ABCA13: variants seen among roughly 807,000 people sequenced by gnomAD.
ABCA13 encodes ATP binding cassette subfamily A member 13.
Under a neutral mutation model 478.7 loss-of-function variants are expected in ABCA13, and 476 were observed. The observed-to-expected ratio is 0.99, with a 90% confidence interval of 0.92 to 1.07. The LOEUF (loss-of-function observed/expected upper bound fraction) is 1.07, where lower values mean the gene tolerates loss of function less well. Among genes scored for constraint, ABCA13 ranks in the 50% least tolerant of loss-of-function variants. The probability of loss-of-function intolerance (pLI) is 0.00; values close to 1 mark genes in which losing one functional copy is unlikely to be tolerated. For missense variants in ABCA13, 6,060 were observed against 5,910.6 expected (o/e 1.03, Z -0.83); for synonymous variants, 2,252 against 2,158.9 (o/e 1.04, Z -1.20).
intron 5 of ABCA13, among the ~76,000 whole-genome samples, chr7:48,224,361 C>T (rs973037246): frequency 6.6e-6 from 1 of 152,172 alleles, no homozygotes; most frequent in African/African-American, 2.4e-5. Flanking sequence ...CAGTCCTGGG[C>T]AACTGGGGAA....
At chr7:48,596,580 G>A (rs1174344949) in intron 58 of ABCA13, among the ~76,000 whole-genome samples, 1 of 152,146 alleles carries the variant, frequency 6.6e-6, no homozygotes, top group African/African-American at 2.4e-5. Flanking sequence ...GGAGGCCAAG[G>A]CGGGCGGATC....
intron 39 of ABCA13, among the ~76,000 whole-genome samples, chr7:48,406,527 A>T (rs1244422813): frequency 6.6e-6 from 1 of 152,210 alleles, no homozygotes; most frequent in Non-Finnish European, 1.5e-5. Context: ...GGAACATATC[A>T]TCTGAATCAG....
intron 55 of ABCA13, among the ~76,000 whole-genome samples, chr7:48,570,319 CTTTT>C (rs35693419): frequency 9.2e-4 from 81 of 88,204 alleles, no homozygotes; most frequent in African/African-American, 3.7e-3. Flanking sequence ...TTTGCATCCT[CTTTT>C]TTTTTTTTTT....
chr7:48,586,472 A>G (rs1450757542), intron 56 of ABCA13, among the ~76,000 whole-genome samples: 1 of 152,192 alleles, frequency 6.6e-6, no homozygotes, highest in Non-Finnish European at 1.5e-5. Flanking sequence ...GCAAATTAAC[A>G]CAGGAACACA....
chr7:48,520,331 C>T, intron 53 of ABCA13, 37 bp downstream of exon 53: 5 of 1,544,944 alleles, frequency 3.2e-6, no homozygotes, highest in Non-Finnish European at 4.4e-6. Flanking sequence ...GCTGCACTTA[C>T]TCCTGCAAAA....
At chr7:48,280,369 C>T (rs1434206237) in intron 18 of ABCA13, among the ~76,000 whole-genome samples, 1 of 152,178 alleles carries the variant, frequency 6.6e-6, no homozygotes, top group East Asian at 1.9e-4. Flanking sequence ...TGGCTTCTGC[C>T]CTTTTTTGAT....
At chr7:48,228,004 G>A (rs1458019101) in intron 6 of ABCA13, among the ~76,000 whole-genome samples, 1 of 152,188 alleles carries the variant, frequency 6.6e-6, no homozygotes, top group South Asian at 2.1e-4. Flanking sequence ...ATCCCTTCCC[G>A]TGGTGGGCTT....
At chr7:48,179,269 G>A (rs1795316712) in intron 1 of ABCA13, among the ~76,000 whole-genome samples, 1 of 152,206 alleles carries the variant, frequency 6.6e-6, no homozygotes, top group Admixed American at 6.5e-5. Context: ...GGAGGCCGCG[G>A]CTATTTATTG....
chr7:48,437,210 A>C (rs970628202), intron 42 of ABCA13, among the ~76,000 whole-genome samples: 1 of 151,942 alleles, frequency 6.6e-6, no homozygotes, highest in African/African-American at 2.4e-5. Context: ...ATGGGTATCT[A>C]TGCATCTCTA....
At chr7:48,511,336 C>CG (rs1297621796) in intron 51 of ABCA13, 137 bp downstream of exon 51, 2 of 718,242 alleles carry the variant, frequency 2.8e-6, no homozygotes, top group African/African-American at 3.6e-5. Flanking sequence ...GCAAGGGACA[C>CG]GGAGCAAACA....
intron 41 of ABCA13, among the ~76,000 whole-genome samples, chr7:48,426,145 ATTC>A (rs997511594): frequency 5.9e-5 from 9 of 152,336 alleles, no homozygotes; most frequent in East Asian, 1.9e-4. Flanking sequence ...GTTATTAATC[ATTC>A]TTCTTCTTAT....
chr7:48,227,421 T>A lies in ABCA13; in HGVS notation c.628T>A (p.Leu210Met), dbSNP rs763115419. ...TGCAGTGAACCTTCTCCAGACCATT[T>A]TGAAGTGAGTGAAAAAGAAAAACAT... The part of the protein sequence containing the change: ...DVAVNLLQTI[L>M]NSLISLEDLD... The change falls in exon 6 of 62, where the codon TTG (leucine) becomes ATG (methionine). Residue 210 changes from leucine (L) to methionine (M), a missense_variant. By Grantham distance (15) the Leu-to-Met change is conservative. Around this residue, in one of 3 missense-constraint regions of ABCA13, gnomAD observed 4,423 missense variants for 4,309.1 expected, o/e 1.03. Transcript: ENST00000435803. 6.2e-7 allele frequency: 1 copy of A among 1,613,604 alleles called. No homozygotes were observed. Among genetic ancestry groups the A allele is most frequent in the Admixed American group, 1.7e-5 (1 of 59,974 alleles).
chr7:48,293,207 C>A (rs1172770688), intron 20 of ABCA13, among the ~76,000 whole-genome samples: 1 of 145,092 alleles, frequency 6.9e-6, no homozygotes, highest in Admixed American at 7.0e-5. Context: ...CCCCCCGCCA[C>A]ACACACACTA....
At chr7:48,464,175 T>C (rs1374756215) in intron 43 of ABCA13, among the ~76,000 whole-genome samples, 1 of 152,242 alleles carries the variant, frequency 6.6e-6, no homozygotes, top group Non-Finnish European at 1.5e-5. Context: ...AGAGATTTAC[T>C]TTAAAATATA....
At chr7:48,279,956 C>T (rs1487243524) in intron 18 of ABCA13, 36 bp downstream of exon 18, 1 of 1,491,124 alleles carries the variant, frequency 6.7e-7, no homozygotes, top group Non-Finnish European at 8.9e-7. Flanking sequence ...GTTTTTTTCT[C>T]TACCGCAGTA....
At chr7:48,323,982 A>G (rs750727285) in intron 27 of ABCA13, among the ~76,000 whole-genome samples, 1 of 152,170 alleles carries the variant, frequency 6.6e-6, no homozygotes, top group African/African-American at 2.4e-5. Flanking sequence ...TGCCAAGATT[A>G]TGAGGCCTCC....
At chr7:48,175,833 C>G (rs997005562) in intron 1 of ABCA13, among the ~76,000 whole-genome samples, 2 of 152,114 alleles carry the variant, frequency 1.3e-5, no homozygotes, top group Non-Finnish European at 2.9e-5. Flanking sequence ...TATCCCTATT[C>G]TCTCCCTCTC....
Position 48,275,024 on chromosome 7 carries a change from C to G in ABCA13, c.5358C>G (p.Ile1786Met), listed in dbSNP as rs757914165. 26 of 1,613,788 alleles carry G rather than the reference C, an allele frequency of 1.6e-5. No homozygotes were observed. Among genetic ancestry groups the G allele is most frequent in the Non-Finnish European group, 1.9e-5 (22 of 1,179,850 alleles). The part of the protein sequence containing the change: ...TLLHGITISN[I>M]TKEDFAIVIK... ...TTCATGGCATAACCATTTCAAATAT[C>G]ACCAAGGAAGACTTCGCAATTGTGA... is the stretch of plus-strand genomic sequence containing the variant. Residue 1786 changes from isoleucine (I) to methionine (M), a missense_variant, in exon 17 of 62, where the codon ATC becomes ATG. Transcript: ENST00000435803.
At position 48,374,372 on chromosome 7, in the gene ABCA13, G is replaced by C. The variant is rs751997738; in HGVS notation, c.11159G>C (p.Gly3720Ala). ...FLCLLSTTAF[G>A]QGVFFITFLE... The stretch of plus-strand genomic sequence containing the variant: ...TGCCTTCTTTCGACAACCGCCTTTG[G>C]ACAAGGGGTATTTTTTATTACATTC... Residue 3720 changes from glycine (G) to alanine (A), a missense_variant, in exon 34 of 62, where the codon GGA becomes GCA. By Grantham distance (60) the Gly-to-Ala change is moderately conservative (BLOSUM62 0). Coordinates refer to ENST00000435803, the MANE Select transcript of ABCA13 (RefSeq NM_152701.5). 1 of 1,610,370 alleles carries C rather than the reference G, an allele frequency of 6.2e-7. No individual in the cohort carries two copies. Among genetic ancestry groups the C allele is most frequent in the South Asian group, 1.1e-5 (1 of 89,858 alleles).
Sources: allele counts gnomAD v4.1 joint callset (sites outside exome capture counted in the v4.1 genomes callset), GRCh38; gene constraint gnomAD v4.1.1; regional missense constraint gnomAD v4.1.1; transcripts MANE v1.5; gene names NCBI Gene and HGNC (gene_info 2026-07-23, HGNC 2026-07-21).